TNFRSF19: variants seen among roughly 807,000 people sequenced by gnomAD.
The protein encoded by TNFRSF19 is TNF receptor superfamily member 19, also known as tumor necrosis factor receptor superfamily member 19.
In TNFRSF19, 27 loss-of-function variants were observed where a neutral mutation model predicts 46.4. The observed-to-expected ratio is 0.58, with a 90% CI of 0.43 to 0.80. TNFRSF19 has a LOEUF of 0.80. TNFRSF19 is among the 30% of genes least tolerant of loss of function. The probability of loss-of-function intolerance (pLI) is 0.00; values close to 1 mark genes in which losing one functional copy is unlikely to be tolerated. For missense variants in TNFRSF19, 511 were observed against 530.8 expected, an observed-to-expected ratio of 0.96 and a Z score of 0.37; for synonymous variants, 204 against 205.0, an observed-to-expected ratio of 1.00 and a Z score of 0.04.
intron 5 of TNFRSF19, among the ~76,000 whole-genome samples, chr13:23,636,012 T>A (rs1882654505): frequency 6.6e-6 from 1 of 152,184 alleles, no homozygotes; most frequent in Non-Finnish European, 1.5e-5. Flanking sequence ...AAGTGACTAT[T>A]TTTAAGCATT....
At chr13:23,653,970 G>A (rs1198878796) in intron 5 of TNFRSF19, among the ~76,000 whole-genome samples, 1 of 152,084 alleles carries the variant, frequency 6.6e-6, no homozygotes, top group Non-Finnish European at 1.5e-5. Context: ...GAATGTTCAG[G>A]CCCTTCTGCC....
At chr13:23,639,248 C>T (rs140998224) in intron 5 of TNFRSF19, among the ~76,000 whole-genome samples, 2,800 of 152,090 alleles carry the variant, frequency 0.018, 24 homozygotes, top group African/African-American at 0.025. Context: ...CAAAAATTAG[C>T]TAGACATAGT....
intron 5 of TNFRSF19, among the ~76,000 whole-genome samples, chr13:23,643,805 CAGT>C (rs1883161399): frequency 6.6e-6 from 1 of 152,204 alleles, no homozygotes; most frequent in Non-Finnish European, 1.5e-5. Context: ...CACAATGCCC[CAGT>C]TGAGATCCCA....
intron 5 of TNFRSF19, among the ~76,000 whole-genome samples, chr13:23,638,203 C>A (rs558520557): frequency 3.3e-4 from 29 of 87,406 alleles, no homozygotes; most frequent in East Asian, 7.2e-4. Context: ...AACATCCTTG[C>A]GGGTAGGGAA....
At position 23,659,602 on chromosome 13, in the gene TNFRSF19, A is replaced by T. The variant is rs1884215153; in HGVS notation, c.610+388A>T. On this transcript the variant is annotated intron_variant, in intron 6 of 9. Coordinates refer to ENST00000248484, the MANE Select transcript of TNFRSF19 (RefSeq NM_148957.4). This position sits in a 1 kb window ranked among gnomAD's most constrained non-coding sequence, Gnocchi z 4.9. ...GCTCATGGCAACCTCTGCCTCCCGG[A>T]TTCAAGTGATTCTCCTGCCTCAGCC... Among the ~76,000 whole-genome samples, 1 of 151,848 alleles carries T rather than the reference A, an allele frequency of 6.6e-6. No individual in the cohort carries two copies. Among genetic ancestry groups the T allele is most frequent in the Non-Finnish European group, 1.5e-5 (1 of 67,958 alleles).
At chr13:23,634,096 C>A (rs776931809) in intron 5 of TNFRSF19, among the ~76,000 whole-genome samples, 3 of 152,222 alleles carry the variant, frequency 2.0e-5, no homozygotes, top group Non-Finnish European at 2.9e-5. Flanking sequence ...TGATTCTTGT[C>A]TCCCAAGAAA....
At chr13:23,654,722 T>A (rs1264473356) in intron 5 of TNFRSF19, among the ~76,000 whole-genome samples, 1 of 152,230 alleles carries the variant, frequency 6.6e-6, no homozygotes, top group Non-Finnish European at 1.5e-5. Context: ...CTAGAGGGGC[T>A]CAGAAGGCCT....
intron 4 of TNFRSF19, among the ~76,000 whole-genome samples, chr13:23,626,185 A>ATATGTG (rs1306222494): frequency 1.3e-5 from 1 of 75,906 alleles, no homozygotes; most frequent in Admixed American, 1.6e-4. Context: ...TTTCTTTAAA[A>ATATGTG]TCTGTGTGTG....
Position 23,673,606 on chromosome 13 carries a change from G to C in TNFRSF19, c.*226G>C. The C allele has an allele frequency of 1.7e-6, 2 of 1,208,992 alleles. No individual in the cohort carries two copies. The highest frequency in any genetic ancestry group is 2.1e-6 in the Non-Finnish European group (2 of 964,824). 74.9% of individuals were successfully genotyped at this position (1,208,992 alleles called of 1,614,324 possible). On this transcript the variant is annotated 3_prime_UTR_variant, in exon 10 of 10. Coordinates refer to ENST00000248484, the MANE Select transcript of TNFRSF19 (RefSeq NM_148957.4). The stretch of plus-strand genomic sequence containing the variant: ...AAGAAAAGACTCCAGGCCGACTCAT[G>C]ATACTCTGCATCTTTCCTACATGAG...
chr13:23,614,769 A>ATATAT (rs59907466), intron 3 of TNFRSF19, among the ~76,000 whole-genome samples: 2 of 147,208 alleles, frequency 1.4e-5, no homozygotes, highest in African/African-American at 5.1e-5. Flanking sequence ...ATATATATAT[A>ATATAT]GTACCTGGCA....
chr13:23,634,543 T>A (rs1882555257), intron 5 of TNFRSF19, among the ~76,000 whole-genome samples: 1 of 152,230 alleles, frequency 6.6e-6, no homozygotes, highest in African/African-American at 2.4e-5. Flanking sequence ...GCTGTGGACT[T>A]AGTGAAATAA....
At chr13:23,605,568 T>C (rs1880455606) in intron 3 of TNFRSF19, among the ~76,000 whole-genome samples, 1 of 152,150 alleles carries the variant, frequency 6.6e-6, no homozygotes, top group Non-Finnish European at 1.5e-5. Flanking sequence ...AACCCAGCGG[T>C]ACTTTAGTAA....
At chr13:23,598,061 C>G (rs1464150579) in intron 3 of TNFRSF19, among the ~76,000 whole-genome samples, 1 of 152,188 alleles carries the variant, frequency 6.6e-6, no homozygotes, top group Non-Finnish European at 1.5e-5. Context: ...ATGCTAAAAA[C>G]TCTCAATAAA....
At chr13:23,592,911 T>C (rs1387840700) in intron 2 of TNFRSF19, among the ~76,000 whole-genome samples, 2 of 152,214 alleles carry the variant, frequency 1.3e-5, no homozygotes, top group African/African-American at 4.8e-5. Flanking sequence ...TTTCTTAGAT[T>C]GAAAAATTTT....
Position 23,668,664 on chromosome 13 carries a change from CTT to C in TNFRSF19, c.840-26_840-25del, listed in dbSNP as rs772601135. 229 of 1,586,176 alleles carry C rather than the reference CTT, an allele frequency of 1.4e-4. 1 individual carries two copies. In the South Asian group the frequency reaches 2.2e-3, roughly 15 times the overall value. On this transcript the variant is annotated intron_variant, in intron 8 of 9. Transcript: ENST00000248484. ...GTAGTGTTTTTCTCCCCATCAAAAA[CTT>C]TAAGTTCTTTTGAACGTGTGTGCAG...
chr13:23,617,319 A>G (rs1334442106), intron 4 of TNFRSF19, among the ~76,000 whole-genome samples: 1 of 152,226 alleles, frequency 6.6e-6, no homozygotes, highest in African/African-American at 2.4e-5. Flanking sequence ...TCAATAAGGC[A>G]GCCAGGTCCA....
intron 1 of TNFRSF19, among the ~76,000 whole-genome samples, chr13:23,588,442 T>C (rs1042724062): frequency 2.6e-5 from 4 of 152,224 alleles, no homozygotes; most frequent in African/African-American, 9.6e-5. Context: ...ACAATTTGTC[T>C]GCCTTTTTCA....
At chr13:23,603,858 A>C (rs995767169) in intron 3 of TNFRSF19, among the ~76,000 whole-genome samples, 2 of 151,976 alleles carry the variant, frequency 1.3e-5, no homozygotes, top group South Asian at 2.1e-4. Context: ...TTTCTACAAC[A>C]ACCACAACAA....
rs999105111 is a variant in TNFRSF19 at position 23,659,570 on chromosome 13, G to A, written c.610+356G>A. Among the ~76,000 whole-genome samples, 2 of 152,136 alleles carry A rather than the reference G, an allele frequency of 1.3e-5. No individual in the cohort carries two copies. Among genetic ancestry groups the A allele is most frequent in the Non-Finnish European group, 2.9e-5 (2 of 68,012 alleles). ...CACCCAGGCTGGAGGGCAGTGGCGT[G>A]ACTTCAGCTCATGGCAACCTCTGCC... is the stretch of plus-strand genomic sequence containing the variant. On this transcript the variant is annotated intron_variant, in intron 6 of 9. Coordinates refer to ENST00000248484, the MANE Select transcript of TNFRSF19 (RefSeq NM_148957.4). The surrounding 1 kb of genome is among the most constrained non-coding windows in gnomAD (Gnocchi z 4.9).
Sources: gnomAD v4.1 joint callset for allele counts (sites outside exome capture counted in the v4.1 genomes callset) on GRCh38, gnomAD v4.1.1 for gene constraint, Gnocchi (gnomAD v3.1) non-coding constraint, MANE v1.5 for transcripts, NCBI Gene and HGNC (gene_info 2026-07-23, HGNC 2026-07-21) for gene names.